IL1RAPL2: variants seen among roughly 807,000 people sequenced by gnomAD.
The protein encoded by IL1RAPL2 is interleukin 1 receptor accessory protein like 2.
In IL1RAPL2, 3 loss-of-function variants were observed where a neutral mutation model predicts 44.1. The observed-to-expected ratio is 0.07, with a 90% CI of 0.03 to 0.18. The LOEUF is 0.18. IL1RAPL2 is among the 10% of genes least tolerant of loss of function. The pLI is 1.00. For missense variants in IL1RAPL2, 391 were observed against 496.4 expected, an observed-to-expected ratio of 0.79 and a Z score of 2.02; for synonymous variants, 181 against 178.8, an observed-to-expected ratio of 1.01 and a Z score of -0.10.
intron 6 of IL1RAPL2, among the ~76,000 whole-genome samples, chrX:105,510,393 A>G (rs1390094794): frequency 9.0e-6 from 1 of 110,927 alleles, no homozygotes; most frequent in Non-Finnish European, 1.9e-5. Flanking sequence ...TATATTCACC[A>G]ACATCTCACT....
chrX:105,512,229 C>T (rs907610843), intron 6 of IL1RAPL2, among the ~76,000 whole-genome samples: 2 of 111,291 alleles, frequency 1.8e-5, no homozygotes, highest in Non-Finnish European at 3.8e-5. Flanking sequence ...AACTCTCCTC[C>T]GGGGTTTCTT....
At chrX:105,060,892 G>A (rs2032067709) in intron 2 of IL1RAPL2, among the ~76,000 whole-genome samples, 2 of 110,181 alleles carry the variant, frequency 1.8e-5, no homozygotes, top group Admixed American at 1.9e-4. Context: ...CAGTTGTAAT[G>A]TCTTCTTTTT....
At chrX:104,702,317 T>C (rs1176503462) in intron 2 of IL1RAPL2, among the ~76,000 whole-genome samples, 1 of 112,113 alleles carries the variant, frequency 8.9e-6, no homozygotes, top group Non-Finnish European at 1.9e-5. Flanking sequence ...GTTGACTGAC[T>C]GCCCTTAAAG....
At chrX:104,740,722 AT>A (rs761371960) in intron 2 of IL1RAPL2, among the ~76,000 whole-genome samples, 69 of 110,922 alleles carry the variant, frequency 6.2e-4, no homozygotes, top group South Asian at 3.0e-3. Context: ...TAATAATTTG[AT>A]TTTTTTTATA....
chrX:105,230,349 C>T, intron 3 of IL1RAPL2, among the ~76,000 whole-genome samples: 1 of 110,341 alleles, frequency 9.1e-6, no homozygotes, highest in Admixed American at 9.8e-5. Context: ...CACTTCTAAC[C>T]CAGCAGACTG....
intron 5 of IL1RAPL2, among the ~76,000 whole-genome samples, chrX:105,419,334 T>A (rs1712296307): frequency 8.9e-6 from 1 of 111,927 alleles, no homozygotes; most frequent in Admixed American, 9.6e-5. Flanking sequence ...TTCCTGATTT[T>A]CTAGGAAAAT....
chrX:105,125,325 A>G (rs2032964071), intron 2 of IL1RAPL2, among the ~76,000 whole-genome samples: 1 of 110,492 alleles, frequency 9.1e-6, no homozygotes, highest in South Asian at 3.8e-4. Context: ...TAGAGCTTAT[A>G]CCTTGAAAAA....
intron 2 of IL1RAPL2, among the ~76,000 whole-genome samples, chrX:104,853,541 G>A (rs1922279077): frequency 9.0e-6 from 1 of 111,055 alleles, no homozygotes; most frequent in South Asian, 3.9e-4. Context: ...AGTAAACTTT[G>A]GAGCATTACA....
intron 5 of IL1RAPL2, among the ~76,000 whole-genome samples, chrX:105,366,028 A>C (rs1302571673): frequency 4.6e-5 from 5 of 109,223 alleles, no homozygotes; most frequent in Non-Finnish European, 7.6e-5. Flanking sequence ...CCTCACTGCA[A>C]CCTCCACCTC....
At chrX:104,749,477 T>C (rs753444286) in intron 2 of IL1RAPL2, among the ~76,000 whole-genome samples, 20 of 111,853 alleles carry the variant, frequency 1.8e-4, no homozygotes, top group African/African-American at 5.5e-4. Flanking sequence ...TATTTCAAAA[T>C]TGCATGTCAG....
At chrX:105,467,361 A>T (rs1236538415) in intron 5 of IL1RAPL2, among the ~76,000 whole-genome samples, 1 of 111,728 alleles carries the variant, frequency 9.0e-6, no homozygotes, top group Non-Finnish European at 1.9e-5. Context: ...TCAATTGCTT[A>T]TACAAAGTTG....
chrX:104,737,253 A>G (rs1932030078), intron 2 of IL1RAPL2, among the ~76,000 whole-genome samples: 1 of 112,525 alleles, frequency 8.9e-6, no homozygotes, highest in African/African-American at 3.2e-5. Context: ...ATAAGAACAG[A>G]ATGGTACAAG....
chrX:105,693,210 C>G (rs1373616068), intron 6 of IL1RAPL2, among the ~76,000 whole-genome samples: 2 of 112,238 alleles, frequency 1.8e-5, no homozygotes, highest in African/African-American at 6.5e-5. Flanking sequence ...AGAGACATTG[C>G]AAATGTGATT....
intron 6 of IL1RAPL2, among the ~76,000 whole-genome samples, chrX:105,540,911 A>G (rs1054595421): frequency 2.2e-5 from 1 of 44,472 alleles, no homozygotes; most frequent in African/African-American, 7.5e-5. Context: ...ACATACATAT[A>G]TTATATATGA....
intron 6 of IL1RAPL2, among the ~76,000 whole-genome samples, chrX:105,616,433 C>A (rs992432829): frequency 9.0e-6 from 1 of 111,682 alleles, no homozygotes; most frequent in African/African-American, 3.2e-5. Flanking sequence ...CTCTACTTCC[C>A]TACCAACACT....
At chrX:105,081,841 A>G (rs925260894) in intron 2 of IL1RAPL2, among the ~76,000 whole-genome samples, 1 of 111,974 alleles carries the variant, frequency 8.9e-6, no homozygotes, top group Non-Finnish European at 1.9e-5. Flanking sequence ...ATCGTGCTGG[A>G]TAAGCTTTTT....
At chrX:104,946,216 C>CA (rs1332947396) in intron 2 of IL1RAPL2, among the ~76,000 whole-genome samples, 1 of 99,169 alleles carries the variant, frequency 1.0e-5, no homozygotes, top group African/African-American at 3.7e-5. Flanking sequence ...ACTAAAAATA[C>CA]AAAAAAATTA....
intron 2 of IL1RAPL2, among the ~76,000 whole-genome samples, chrX:105,074,850 A>G (rs138238633): frequency 0.41 from 43,889 of 107,883 alleles, 8,198 homozygotes; most frequent in East Asian, 0.74. Flanking sequence ...TTTGTCTGTT[A>G]TTGGTGTATA....
chrX:104,645,580 A>G (rs1036326040), intron 1 of IL1RAPL2, among the ~76,000 whole-genome samples: 1 of 112,106 alleles, frequency 8.9e-6, no homozygotes, highest in African/African-American at 3.2e-5. Flanking sequence ...TTTCTCATAA[A>G]CATGAGTTTG....
Sources: gnomAD v4.1 joint callset for allele counts (sites outside exome capture counted in the v4.1 genomes callset) on GRCh38, gnomAD v4.1.1 for gene constraint, MANE v1.5 for transcripts, NCBI Gene and HGNC (gene_info 2026-07-23, HGNC 2026-07-21) for gene names.